Variants in NFATC2 observed in about 807,000 individuals in gnomAD.
NFATC2 encodes the protein nuclear factor of activated T-cells, cytoplasmic 2.
In NFATC2, 22 loss-of-function variants were observed where a neutral mutation model predicts 87.3. The observed-to-expected ratio is 0.25, with a 90% confidence interval of 0.18 to 0.36. NFATC2 has a LOEUF of 0.36. Among genes scored for constraint, NFATC2 ranks in the 10% least tolerant of loss-of-function variants. The pLI, the probability that NFATC2 is intolerant of heterozygous loss-of-function variation, is 1.00. For synonymous variants in NFATC2, 565 were observed against 542.2 expected, an observed-to-expected ratio of 1.04 and a Z score of -0.58; for missense variants, 1,149 against 1,259.1, an observed-to-expected ratio of 0.91 and a Z score of 1.32.
At position 51,501,594 on chromosome 20, in the gene NFATC2, C is replaced by T. The variant is rs557782109; in HGVS notation, c.1332+15190G>A. 1.3e-4 allele frequency among the ~76,000 whole-genome samples: 20 copies of T among 152,298 alleles called. No individual in the cohort carries two copies. In the East Asian group the frequency reaches 2.3e-3, roughly 18 times the overall value. On this transcript the variant is annotated intron_variant, in intron 3 of 10. Coordinates refer to ENST00000371564, the MANE Select transcript of NFATC2 (RefSeq NM_012340.5). ...CACTGCACTCAAAATTCCATTCAAACGGCACCCCTTCAGGAAGTTCTTCCC... is the reference window on the plus strand; with the variant it reads ...CACTGCACTCAAAATTCCATTCAAATGGCACCCCTTCAGGAAGTTCTTCCC...
At chr20:51,528,239 T>C (rs1460463979) in intron 1 of NFATC2, among the ~76,000 whole-genome samples, 2 of 152,202 alleles carry the variant, frequency 1.3e-5, no homozygotes, top group Non-Finnish European at 2.9e-5. Flanking sequence ...GAATTAATTC[T>C]GGCTCATTCA....
intron 3 of NFATC2, among the ~76,000 whole-genome samples, chr20:51,487,551 T>C (rs1308582916): frequency 6.6e-6 from 1 of 151,988 alleles, no homozygotes; most frequent in Non-Finnish European, 1.5e-5. Context: ...TTTGAAAAAA[T>C]GTTCCACCAG....
intron 6 of NFATC2, among the ~76,000 whole-genome samples, chr20:51,436,398 T>TTTC (rs1983574155): frequency 6.6e-6 from 1 of 150,910 alleles, no homozygotes; most frequent in African/African-American, 2.4e-5. Context: ...TTTCTATTTT[T>TTTC]TTTTTTTTTT....
intron 3 of NFATC2, among the ~76,000 whole-genome samples, chr20:51,503,684 C>A (rs2076128628): frequency 6.6e-6 from 1 of 152,236 alleles, no homozygotes; most frequent in Non-Finnish European, 1.5e-5. Flanking sequence ...GCACCTGCCC[C>A]ATGAGCCACT....
At chr20:51,560,502 T>A (rs2077011889) in intron 1 of NFATC2, among the ~76,000 whole-genome samples, 1 of 152,252 alleles carries the variant, frequency 6.6e-6, no homozygotes, top group African/African-American at 2.4e-5. Context: ...GGAATTTTTT[T>A]AAATGCAAAT....
chr20:51,468,993 C>G (rs919090006), intron 5 of NFATC2, among the ~76,000 whole-genome samples: 1 of 151,796 alleles, frequency 6.6e-6, no homozygotes. Context: ...ACAACCAAAT[C>G]AGAGTCTCCA....
At chr20:51,435,351 C>A (rs201762614) in intron 7 of NFATC2, 37 bp from the exon 8 acceptor site, 139 of 1,613,408 alleles carry the variant, frequency 8.6e-5, no homozygotes, top group Middle Eastern at 1.7e-4. Flanking sequence ...TAACTGCAAT[C>A]ATGTCTCAGT....
intron 3 of NFATC2, among the ~76,000 whole-genome samples, chr20:51,481,865 A>G (rs1462276875): frequency 6.6e-6 from 1 of 152,174 alleles, no homozygotes; most frequent in Non-Finnish European, 1.5e-5. Context: ...TGCACCCTCC[A>G]TAGGTGAAGA....
At chr20:51,467,718 T>C (rs973573932) in intron 5 of NFATC2, among the ~76,000 whole-genome samples, 2 of 152,214 alleles carry the variant, frequency 1.3e-5, no homozygotes, top group African/African-American at 2.4e-5. Context: ...GGTGAGGATG[T>C]AGAGTAACTG....
At chr20:51,412,630 C>T (rs1248727867) in intron 9 of NFATC2, among the ~76,000 whole-genome samples, 1 of 152,196 alleles carries the variant, frequency 6.6e-6, no homozygotes, top group Non-Finnish European at 1.5e-5. Context: ...AGGATGCAAA[C>T]ACTGCTGCTG....
intron 9 of NFATC2, among the ~76,000 whole-genome samples, chr20:51,406,046 G>A (rs537389112): frequency 6.6e-4 from 101 of 152,292 alleles, no homozygotes; most frequent in African/African-American, 2.3e-3. Flanking sequence ...CAAAGTGCTG[G>A]GATGACAGGT....
At chr20:51,501,215 A>G (rs1298576357) in intron 3 of NFATC2, among the ~76,000 whole-genome samples, 2 of 152,096 alleles carry the variant, frequency 1.3e-5, no homozygotes, top group East Asian at 3.9e-4. Context: ...CTGTCTTAAT[A>G]AACCTGCAAA....
In NFATC2 at chr20:51,386,963, T is replaced by A. The variant is rs950958804; in HGVS notation, c.*4533A>T. 12 of 152,246 alleles carry A rather than the reference T, an allele frequency of 7.9e-5. No homozygotes were observed. The highest frequency in any genetic ancestry group is 7.9e-4 in the Admixed American group (12 of 15,286). 9.4% of individuals were successfully genotyped at this position (152,246 alleles called of 1,614,324 possible). ...AAAGAAAGATACACCAAAGTAGATG[T>A]TGCTTCCAACTGTTTTATTGCTAAA... On this transcript the variant is annotated 3_prime_UTR_variant, in exon 11 of 11. Transcript: ENST00000371564.
Position 51,523,355 on chromosome 20 carries a change from G to A in NFATC2, c.886C>T (p.Pro296Ser), listed in dbSNP as rs1462847518. Residue 296 changes from proline (P) to serine (S), a missense_variant, in exon 2 of 11, where the codon CCT becomes TCT. Around this residue, in one of 3 missense-constraint regions of NFATC2, gnomAD observed 563 missense variants for 585.2 expected, o/e 0.96. Coordinates refer to ENST00000371564, the MANE Select transcript of NFATC2 (RefSeq NM_012340.5). This position sits in a 1 kb window ranked among gnomAD's most constrained non-coding sequence, Gnocchi z 6.9. ...ATGATCACGGCAGAGCCAGCCACAG[G>A]GGGGTACCCAGCCGGGGAGCCGTGG... ...QDHGSPAGYP[P>S]VAGSAVIMDA... 13 of 1,612,178 alleles carry A rather than the reference G, an allele frequency of 8.1e-6. No individual in the cohort carries two copies. The highest frequency in any genetic ancestry group is 3.3e-5 in the Admixed American group (2 of 59,850).
Position 51,562,415 on chromosome 20 carries a change from A to C in NFATC2, c.70+145T>G. On this transcript the variant is annotated intron_variant, in intron 1 of 10. Coordinates refer to the NFATC2 transcript ENST00000414705. The surrounding 1 kb of genome is among the most constrained non-coding windows in gnomAD (Gnocchi z 5.8). ...CGGGCGCCCCTCCGCGGGCCCCGCTACCTGTGCGCCGAGGGCGAGCGGGGT... is the reference window on the plus strand; with the variant it reads ...CGGGCGCCCCTCCGCGGGCCCCGCTCCCTGTGCGCCGAGGGCGAGCGGGGT... 7.3e-6 allele frequency: 5 copies of C among 681,006 alleles called. No individual in the cohort carries two copies. Among genetic ancestry groups the C allele is most frequent in the South Asian group, 2.5e-5 (1 of 40,056 alleles). The allele number at this position is 681,006 out of a possible 1,614,324, so 42.2% of individuals were successfully genotyped here. A position where few individuals can be genotyped will look rare whatever the true frequency, so the allele number is the denominator to read the frequency against.
At chr20:51,508,941 G>A (rs915015274) in intron 3 of NFATC2, among the ~76,000 whole-genome samples, 24 of 151,868 alleles carry the variant, frequency 1.6e-4, no homozygotes, top group African/African-American at 5.1e-4. Flanking sequence ...TGACACCTAC[G>A]TCAAGCCAGG....
chr20:51,431,966 C>T, intron 9 of NFATC2, 101 bp downstream of exon 9: 1 of 1,281,412 alleles, frequency 7.8e-7, no homozygotes. Context: ...CACTGAGGCC[C>T]AAAGAGATTA....
chr20:51,484,746 A>G (rs1318427982), intron 3 of NFATC2, among the ~76,000 whole-genome samples: 1 of 152,190 alleles, frequency 6.6e-6, no homozygotes, highest in African/African-American at 2.4e-5. Context: ...AGCTGGTTGG[A>G]CAACTGGTAC....
chr20:51,424,100 A>G (rs938711064), intron 9 of NFATC2, among the ~76,000 whole-genome samples: 2 of 152,158 alleles, frequency 1.3e-5, no homozygotes, highest in Admixed American at 6.5e-5. Flanking sequence ...AGATACCTGC[A>G]TATCGTTTAG....
Sources: allele counts gnomAD v4.1 joint callset (sites outside exome capture counted in the v4.1 genomes callset), GRCh38; gene constraint gnomAD v4.1.1; regional missense constraint gnomAD v4.1.1; non-coding constraint Gnocchi (gnomAD v3.1); transcripts MANE v1.5; gene names NCBI Gene and HGNC (gene_info 2026-07-23, HGNC 2026-07-21).